Variants in NDUFA9 observed in about 807,000 individuals in gnomAD.
NDUFA9 encodes NADH dehydrogenase [ubiquinone] 1 alpha subcomplex subunit 9, mitochondrial.
NDUFA9 carries 23 observed loss-of-function variants against 45.9 expected under a neutral mutation model. The observed-to-expected ratio is 0.50, with a 90% CI of 0.36 to 0.71. The LOEUF is 0.71. Ranked by LOEUF, NDUFA9 falls within the 30% of genes least tolerant of loss-of-function variation. The probability of loss-of-function intolerance (pLI) is 0.00; values close to 1 mark genes in which losing one functional copy is unlikely to be tolerated. For synonymous variants in NDUFA9, 176 were observed against 170.5 expected, an observed-to-expected ratio of 1.03 and a Z score of -0.25; for missense variants, 466 against 488.2, an observed-to-expected ratio of 0.95 and a Z score of 0.43.
intron 6 of NDUFA9, among the ~76,000 whole-genome samples, chr12:4,663,094 A>C (rs765743180): frequency 6.6e-6 from 1 of 152,138 alleles, no homozygotes; most frequent in Non-Finnish European, 1.5e-5. Flanking sequence ...TAGCCTTTTT[A>C]GGTGGACTTC....
chr12:4,680,923 T>G (rs972208633), intron 8 of NDUFA9, among the ~76,000 whole-genome samples: 1 of 152,200 alleles, frequency 6.6e-6, no homozygotes, highest in Non-Finnish European at 1.5e-5. Context: ...ACAGAACTAT[T>G]CAGATTAATG....
intron 7 of NDUFA9, 112 bp from the exon 8 acceptor site, chr12:4,669,629 C>T: frequency 1.5e-6 from 1 of 663,544 alleles, no homozygotes; most frequent in South Asian, 2.1e-5. Context: ...TTCCTCCTTT[C>T]TCCTTCCTTC....
intron 3 of NDUFA9, chr12:4,655,165 G>T (rs1483211950): frequency 2.9e-5 from 12 of 417,880 alleles, no homozygotes; most frequent in Non-Finnish European, 4.7e-5. Context: ...TTTGCAGGTC[G>T]TAGAGTCTTT....
chr12:4,660,784 T>G (rs61909965), intron 5 of NDUFA9, among the ~76,000 whole-genome samples: 1 of 151,952 alleles, frequency 6.6e-6, no homozygotes, highest in African/African-American at 2.4e-5. Flanking sequence ...CTGTAAAGTC[T>G]CCTTGGATCT....
intron 1 of NDUFA9, among the ~76,000 whole-genome samples, chr12:4,650,992 A>T (rs1945756460): frequency 6.6e-6 from 1 of 152,192 alleles, no homozygotes; most frequent in African/African-American, 2.4e-5. Context: ...AAGTTGTGGA[A>T]ATATAAATTA....
chr12:4,683,615 TTAATACTCAGTTATC>T (rs1386668127), intron 9 of NDUFA9, among the ~76,000 whole-genome samples: 1 of 152,204 alleles, frequency 6.6e-6, no homozygotes, highest in Non-Finnish European at 1.5e-5. Context: ...TTTGTCTCCT[TTAATACTCAGTTATC>T]TATAAAGTAA....
chr12:4,669,279 A>G (rs1196065190), intron 7 of NDUFA9, among the ~76,000 whole-genome samples: 1 of 152,222 alleles, frequency 6.6e-6, no homozygotes, highest in Admixed American at 6.5e-5. Context: ...CACTATTACT[A>G]TTACTGTTTT....
chr12:4,684,845 G>A, intron 9 of NDUFA9: 1 of 411,960 alleles, frequency 2.4e-6, no homozygotes, highest in Non-Finnish European at 4.3e-6. Flanking sequence ...AGCTTTCAGG[G>A]GTTACGTTGT....
chr12:4,663,969 G>A (rs563624211), intron 6 of NDUFA9, among the ~76,000 whole-genome samples: 12 of 152,310 alleles, frequency 7.9e-5, no homozygotes, highest in African/African-American at 2.4e-4. Flanking sequence ...TGGCTGATCT[G>A]TGTGTGTTCT....
intron 5 of NDUFA9, among the ~76,000 whole-genome samples, chr12:4,660,004 C>T (rs1257069357): frequency 1.3e-5 from 2 of 152,144 alleles, no homozygotes; most frequent in Admixed American, 6.5e-5. Flanking sequence ...CCCAAACATT[C>T]ATAAAATCAT....
intron 10 of NDUFA9, among the ~76,000 whole-genome samples, 193 bp downstream of exon 10, chr12:4,685,518 G>T (rs567939061): frequency 6.6e-6 from 1 of 152,128 alleles, no homozygotes; most frequent in Admixed American, 6.5e-5. Context: ...CTTTCTGTCC[G>T]TCATTATCAG....
intron 5 of NDUFA9, among the ~76,000 whole-genome samples, chr12:4,660,981 AG>A (rs896704691): frequency 2.7e-4 from 40 of 149,106 alleles, no homozygotes; most frequent in African/African-American, 9.9e-4. Context: ...TAGAAGCTGG[AG>A]GGGGATGTGG....
At chr12:4,685,233 T>C (rs1403400183) in intron 9 of NDUFA9, 26 bp from the exon 10 acceptor site, 2 of 1,586,320 alleles carry the variant, frequency 1.3e-6, no homozygotes, top group South Asian at 2.2e-5. Flanking sequence ...GCTTATCACA[T>C]GTGCTATATG....
rs1181626920 is a variant in NDUFA9, at chr12:4,668,350, C to A, written c.656-107C>A. 4.4e-6 allele frequency: 4 copies of A among 913,454 alleles called. No homozygotes were observed. In the African/African-American group the frequency reaches 4.9e-5, roughly 11 times the overall value. 56.6% of individuals were successfully genotyped at this position (913,454 alleles called of 1,614,324 possible). A position where few individuals can be genotyped will look rare whatever the true frequency, so the allele number is the denominator to read the frequency against. On this transcript the variant is annotated intron_variant, in intron 6 of 10. Transcript: ENST00000266544. ...TCACTTCCTCAGAGTCAGCTACATT[C>A]ATTATATTATTTCTATTATGCACAA...
In NDUFA9 at chr12:4,692,438, A is replaced by G. The variant is rs1946023236; in HGVS notation, c.*5330A>G. 6.6e-6 allele frequency: 1 copy of G among 152,320 alleles called. No homozygotes were observed. Among genetic ancestry groups the G allele is most frequent in the South Asian group, 2.1e-4 (1 of 4,848 alleles). 9.4% of individuals were successfully genotyped at this position (152,320 alleles called of 1,614,324 possible). A position where few individuals can be genotyped will look rare whatever the true frequency, so the allele number is the denominator to read the frequency against. On this transcript the variant is annotated 3_prime_UTR_variant, in exon 11 of 11. Transcript: ENST00000266544. ...CTTCCTGAAGCCTCCCCAGAAGCAG[A>G]TGCCTATGTGACGCTTCCTGTACAG... is the stretch of plus-strand genomic sequence containing the variant.
chr12:4,673,686 C>G (rs1430737681), intron 8 of NDUFA9, among the ~76,000 whole-genome samples: 1 of 152,092 alleles, frequency 6.6e-6, no homozygotes, highest in Non-Finnish European at 1.5e-5. Flanking sequence ...TGTGAAAAGA[C>G]CAAATCTACA....
At chr12:4,686,722 T>A (rs888977072) in intron 10 of NDUFA9, among the ~76,000 whole-genome samples, 8 of 152,188 alleles carry the variant, frequency 5.3e-5, no homozygotes, top group African/African-American at 1.9e-4. Context: ...CTCGATCTGA[T>A]ACTTGGTGAT....
intron 6 of NDUFA9, among the ~76,000 whole-genome samples, chr12:4,663,321 A>T (rs1459212571): frequency 6.6e-6 from 1 of 152,180 alleles, no homozygotes; most frequent in East Asian, 1.9e-4. Context: ...GTGGCAAAAT[A>T]TACATAGTAT....
chr12:4,669,845 T>A (rs994275379), intron 8 of NDUFA9, 28 bp downstream of exon 8: 1 of 1,511,818 alleles, frequency 6.6e-7, no homozygotes, highest in Admixed American at 1.7e-5. Flanking sequence ...GAATTTTAAA[T>A]TGTGCTATTA....
Sources: gnomAD v4.1 joint callset for allele counts (sites outside exome capture counted in the v4.1 genomes callset) on GRCh38, gnomAD v4.1.1 for gene constraint, MANE v1.5 for transcripts, NCBI Gene and HGNC (gene_info 2026-07-23, HGNC 2026-07-21) for gene names.